RGS5: variants seen among roughly 807,000 people sequenced by gnomAD.
RGS5 encodes the protein regulator of G protein signaling 5.
RGS5 carries 20 observed loss-of-function variants against 18.9 expected under a neutral mutation model. The ratio of observed to expected loss-of-function variants is 1.06; its 90% confidence interval spans 0.74 to 1.54. The LOEUF is 1.54. Among genes scored for constraint, RGS5 ranks in the 40% most tolerant of loss-of-function variants. The pLI is 0.00. For missense variants in RGS5, 201 were observed against 211.8 expected (o/e 0.95, Z 0.32); for synonymous variants, 57 against 76.2 (o/e 0.75, Z 1.31).
At chr1:163,162,577 T>C (rs1023869439) in intron 2 of RGS5, among the ~76,000 whole-genome samples, 1 of 152,110 alleles carries the variant, frequency 6.6e-6, no homozygotes, top group Non-Finnish European at 1.5e-5. Context: ...GACTTTTTTT[T>C]AAAGATTTAC....
At chr1:163,301,210 A>T (rs1050192691) in intron 2 of RGS5, among the ~76,000 whole-genome samples, 1 of 152,220 alleles carries the variant, frequency 6.6e-6, no homozygotes, top group Non-Finnish European at 1.5e-5. Context: ...TCTAGGTGCT[A>T]TCTCAGAGAA....
rs148707160 is a variant in RGS5 at position 163,288,713 on chromosome 1, A to C, written c.-281+17520T>G. On this transcript the variant is annotated intron_variant, in intron 2 of 5. Coordinates refer to the RGS5 transcript ENST00000618415. ...TCAACTAAGTTGCTGACTCCCATAT[A>C]TATCACCCTAGTCTTACTCTATCAG... Among the ~76,000 whole-genome samples, 226 of 152,256 alleles carry C rather than the reference A, an allele frequency of 1.5e-3. 1 individual carries two copies. Among genetic ancestry groups the C allele is most frequent in the Middle Eastern group, 0.014 (4 of 294 alleles).
chr1:163,147,125 A>G lies in RGS5; in HGVS notation c.*217T>C, dbSNP rs1370083145. 2.6e-6 allele frequency: 1 copy of G among 381,138 alleles called. No individual in the cohort carries two copies. The highest frequency in any genetic ancestry group is 4.6e-6 in the Non-Finnish European group (1 of 216,760). The allele number at this position is 381,138 out of a possible 1,614,324, so 23.6% of individuals were successfully genotyped here. A position where few individuals can be genotyped will look rare whatever the true frequency, so the allele number is the denominator to read the frequency against. ...AGCTGAAGATATCTTAATTAATAAC[A>G]GGGCAGGAAGAATTGAGTGGGGAAA... On this transcript the variant is annotated 3_prime_UTR_variant, in exon 5 of 5. Coordinates refer to ENST00000313961, the MANE Select transcript of RGS5 (RefSeq NM_003617.4).
intron 2 of RGS5, among the ~76,000 whole-genome samples, chr1:163,301,417 A>C (rs982122082): frequency 6.6e-6 from 1 of 151,994 alleles, no homozygotes; most frequent in Admixed American, 6.6e-5. Context: ...ACTGCAGCCC[A>C]GGCCTCTTGG....
At chr1:163,148,468 G>A (rs1300861476) in intron 4 of RGS5, among the ~76,000 whole-genome samples, 4 of 152,124 alleles carry the variant, frequency 2.6e-5, no homozygotes, top group Admixed American at 6.5e-5. Context: ...CACTTTGCAC[G>A]GATGAACTCA....
intron 2 of RGS5, among the ~76,000 whole-genome samples, chr1:163,163,760 G>A (rs1192443376): frequency 6.6e-6 from 1 of 152,162 alleles, no homozygotes; most frequent in African/African-American, 2.4e-5. Flanking sequence ...GTTGACAGAA[G>A]CAGCAGGACA....
chr1:163,159,537 C>T (rs1168509112), intron 3 of RGS5, among the ~76,000 whole-genome samples: 2 of 152,178 alleles, frequency 1.3e-5, no homozygotes, highest in Non-Finnish European at 2.9e-5. Flanking sequence ...GATGGCTTTG[C>T]CTCCCAGAGG....
chr1:163,200,093 A>T (rs183330369), intron 1 of RGS5, among the ~76,000 whole-genome samples: 3 of 152,312 alleles, frequency 2.0e-5, no homozygotes, highest in African/African-American at 4.8e-5. Flanking sequence ...CATGTTAGAG[A>T]ACAATGAATC....
chr1:163,184,376 G>A (rs1658979119), intron 1 of RGS5, among the ~76,000 whole-genome samples: 1 of 148,732 alleles, frequency 6.7e-6, no homozygotes, highest in Non-Finnish European at 1.5e-5. Context: ...GTGTTAGGAA[G>A]CTTTCCTGAC....
At chr1:163,318,906 T>C (rs1028500112) in intron 1 of RGS5, 1 of 152,120 alleles carries the variant, frequency 6.6e-6, no homozygotes, top group African/African-American at 2.4e-5. Context: ...AAGTTATATA[T>C]TGTATGATGG....
chr1:163,202,073 T>C (rs964159872), intron 1 of RGS5, among the ~76,000 whole-genome samples: 1 of 152,144 alleles, frequency 6.6e-6, no homozygotes, highest in African/African-American at 2.4e-5. Context: ...AAGATTTTGA[T>C]GCATTTGTCT....
intron 1 of RGS5, among the ~76,000 whole-genome samples, chr1:163,317,457 T>C (rs1056063166): frequency 6.6e-6 from 1 of 152,198 alleles, no homozygotes; most frequent in Admixed American, 6.5e-5. Context: ...TCTATTTCTA[T>C]CCACACTGGC....
At chr1:163,255,385 C>T (rs1397465441) in intron 2 of RGS5, among the ~76,000 whole-genome samples, 1 of 152,198 alleles carries the variant, frequency 6.6e-6, no homozygotes, top group African/African-American at 2.4e-5. Flanking sequence ...TTCCTCGACA[C>T]ATACATCCTC....
chr1:163,259,583 A>G (rs930136562), intron 2 of RGS5, among the ~76,000 whole-genome samples: 3 of 152,156 alleles, frequency 2.0e-5, no homozygotes, highest in African/African-American at 4.8e-5. Context: ...TTGAAAGAAC[A>G]TCAGTACAGC....
intron 1 of RGS5, among the ~76,000 whole-genome samples, chr1:163,317,371 T>C (rs1302343034): frequency 6.6e-6 from 1 of 152,202 alleles, no homozygotes; most frequent in African/African-American, 2.4e-5. Flanking sequence ...AACTCTATCC[T>C]TGATTTCTCC....
intron 2 of RGS5, among the ~76,000 whole-genome samples, chr1:163,305,862 G>A (rs150123634): frequency 1.3e-5 from 2 of 152,266 alleles, no homozygotes; most frequent in Middle Eastern, 3.4e-3. Context: ...GTCCTCAGCT[G>A]GTCAGCTTGG....
intron 2 of RGS5, among the ~76,000 whole-genome samples, chr1:163,226,858 A>G (rs1333848226): frequency 6.6e-6 from 1 of 152,254 alleles, no homozygotes; most frequent in Non-Finnish European, 1.5e-5. Context: ...AAGTACGCTT[A>G]AAGACCAAAA....
chr1:163,244,222 G>A (rs543935666), intron 2 of RGS5, among the ~76,000 whole-genome samples: 1 of 152,292 alleles, frequency 6.6e-6, no homozygotes, highest in Non-Finnish European at 1.5e-5. Context: ...CATCTCCAAA[G>A]CTATAATTTT....
chr1:163,175,332 A>T (rs1658500856), intron 1 of RGS5, among the ~76,000 whole-genome samples: 1 of 152,138 alleles, frequency 6.6e-6, no homozygotes, highest in South Asian at 2.1e-4. Context: ...GCCTATCAAG[A>T]GGGAGAATGC....
Sources: allele counts gnomAD v4.1 joint callset (sites outside exome capture counted in the v4.1 genomes callset), GRCh38; gene constraint gnomAD v4.1.1; transcripts MANE v1.5; gene names NCBI Gene and HGNC (gene_info 2026-07-23, HGNC 2026-07-21).